Variants in TASP1 observed in about 807,000 individuals in gnomAD.
TASP1 encodes the protein threonine aspartase 1.
Under a neutral mutation model 56.6 loss-of-function variants are expected in TASP1, and 16 were observed. The ratio of observed to expected loss-of-function variants is 0.28; its 90% confidence interval spans 0.19 to 0.43. TASP1 has a LOEUF of 0.43. Among genes scored for constraint, TASP1 ranks in the 20% least tolerant of loss-of-function variants. The probability of loss-of-function intolerance (pLI) is 1.00; values close to 1 mark genes in which losing one functional copy is unlikely to be tolerated. For synonymous variants in TASP1, 179 were observed against 184.2 expected (o/e 0.97, Z 0.23); for missense variants, 393 against 511.6 (o/e 0.77, Z 2.24).
chr20:13,250,252 C>T, the TASP1 span, among the ~76,000 whole-genome samples: 1 of 152,130 alleles, frequency 6.6e-6, no homozygotes, highest in Non-Finnish European at 1.5e-5. Flanking sequence ...ACACTGGGTA[C>T]TGTGTCCAAT....
At chr20:13,183,280 G>A in the TASP1 span, among the ~76,000 whole-genome samples, 5 of 152,172 alleles carry the variant, frequency 3.3e-5, no homozygotes. Flanking sequence ...TGCCAGACGT[G>A]TGGGTGAATC....
chr20:13,251,357 G>T, the TASP1 span, among the ~76,000 whole-genome samples: 20 of 152,328 alleles, frequency 1.3e-4, no homozygotes, highest in East Asian at 3.9e-3. Flanking sequence ...ACTGAACCAT[G>T]CTGTTTGTAT....
chr20:13,602,496 C>T (rs1226726869), intron 4 of TASP1, among the ~76,000 whole-genome samples: 2 of 152,114 alleles, frequency 1.3e-5, no homozygotes, highest in African/African-American at 2.4e-5. Context: ...AATTAAGATG[C>T]TAATTAGGGA....
At chr20:13,448,143 T>C (rs2043480481) in intron 11 of TASP1, among the ~76,000 whole-genome samples, 1 of 152,176 alleles carries the variant, frequency 6.6e-6, no homozygotes, top group African/African-American at 2.4e-5. Context: ...CTGGACTTAA[T>C]TTTGGTATAA....
At chr20:13,489,438 C>T (rs994851573) in intron 10 of TASP1, among the ~76,000 whole-genome samples, 1 of 152,018 alleles carries the variant, frequency 6.6e-6, no homozygotes, top group Non-Finnish European at 1.5e-5. Context: ...ACTTGCATAG[C>T]TAAGCCTGAG....
intron 10 of TASP1, among the ~76,000 whole-genome samples, chr20:13,497,263 G>A (rs536187067): frequency 7.4e-4 from 113 of 152,290 alleles, no homozygotes; most frequent in Admixed American, 1.7e-3. Context: ...TGGATGCAGA[G>A]AGCCATCACT....
chr20:13,263,133 C>T, the TASP1 span, among the ~76,000 whole-genome samples: 1 of 152,190 alleles, frequency 6.6e-6, no homozygotes, highest in African/African-American at 2.4e-5. Flanking sequence ...AGGGGCATTG[C>T]ACTGTCATGC....
chr20:13,588,039 T>C (rs2047371636), intron 4 of TASP1, among the ~76,000 whole-genome samples: 2 of 152,016 alleles, frequency 1.3e-5, no homozygotes, highest in South Asian at 4.2e-4. Flanking sequence ...AGGTTGGAGA[T>C]CACTGAAGCC....
intron 11 of TASP1, among the ~76,000 whole-genome samples, chr20:13,442,740 T>G (rs933957999): frequency 2.0e-5 from 3 of 152,008 alleles, no homozygotes; most frequent in Non-Finnish European, 4.4e-5. Context: ...CAGGCTACCA[T>G]GCAAGCTTAT....
intron 11 of TASP1, among the ~76,000 whole-genome samples, chr20:13,442,824 A>G (rs918941132): frequency 1.3e-5 from 2 of 152,010 alleles, no homozygotes; most frequent in Non-Finnish European, 2.9e-5. Context: ...TCAAGATTCC[A>G]TATTTTTTGT....
At chr20:13,478,972 C>T (rs894868323) in intron 11 of TASP1, among the ~76,000 whole-genome samples, 4 of 151,912 alleles carry the variant, frequency 2.6e-5, no homozygotes, top group African/African-American at 9.7e-5. Flanking sequence ...ACTATATATA[C>T]TGATATATTA....
At chr20:13,440,577 AAT>A (rs949955697) in intron 11 of TASP1, among the ~76,000 whole-genome samples, 4 of 141,090 alleles carry the variant, frequency 2.8e-5, no homozygotes, top group African/African-American at 1.1e-4. Flanking sequence ...TTACCAAAAA[AAT>A]AATAAGACTT....
chr20:13,183,053 A>G, the TASP1 span, among the ~76,000 whole-genome samples: 1 of 152,230 alleles, frequency 6.6e-6, no homozygotes, highest in African/African-American at 2.4e-5. Flanking sequence ...GGGTTGGGCC[A>G]TGTCCCTTGC....
At chr20:13,110,183 A>G in the TASP1 span, 2 of 1,613,660 alleles carry the variant, frequency 1.2e-6, no homozygotes, top group Middle Eastern at 3.3e-4. Flanking sequence ...CAGAGCTTGG[A>G]AAAAGATTCT....
the TASP1 span, among the ~76,000 whole-genome samples, chr20:13,209,629 C>T: frequency 1.3e-5 from 2 of 151,982 alleles, no homozygotes; most frequent in Admixed American, 6.6e-5. Context: ...GTCATGACAC[C>T]CCCGTGGATT....
chr20:13,423,819 T>C (rs1031479683), intron 12 of TASP1, among the ~76,000 whole-genome samples: 11 of 152,228 alleles, frequency 7.2e-5, no homozygotes, highest in Admixed American at 1.3e-4. Context: ...CCTGTTAACC[T>C]ACAATATATA....
chr20:13,573,499 G>A (rs2046789739), intron 6 of TASP1, among the ~76,000 whole-genome samples: 1 of 152,184 alleles, frequency 6.6e-6, no homozygotes, highest in Admixed American at 6.5e-5. Flanking sequence ...AAACTCTCTA[G>A]AGTTCACTGT....
the TASP1 span, among the ~76,000 whole-genome samples, chr20:13,273,652 G>A: frequency 3.9e-5 from 6 of 152,218 alleles, no homozygotes; most frequent in Non-Finnish European, 7.3e-5. Context: ...AAAGATCACC[G>A]TAACTCCCAA....
intron 8 of TASP1, among the ~76,000 whole-genome samples, chr20:13,541,525 C>T (rs1214171831): frequency 2.0e-5 from 3 of 152,064 alleles, no homozygotes; most frequent in Admixed American, 6.6e-5. Context: ...CCTAATCTCC[C>T]GTTCTTTGCT....
Sources: allele counts gnomAD v4.1 joint callset (sites outside exome capture counted in the v4.1 genomes callset), GRCh38; gene constraint gnomAD v4.1.1; transcripts MANE v1.5; gene names NCBI Gene and HGNC (gene_info 2026-07-23, HGNC 2026-07-21).